Variants in B3GAT2 observed in about 807,000 individuals in gnomAD.
The protein encoded by B3GAT2 is beta-1,3-glucuronyltransferase 2, also known as galactosylgalactosylxylosylprotein 3-beta-glucuronosyltransferase 2.
A neutral mutation model predicts 27.8 loss-of-function variants in B3GAT2; 26 were observed. That is an observed-to-expected ratio of 0.93 (90% confidence interval 0.68 to 1.30). B3GAT2 has a LOEUF of 1.30. B3GAT2 is among the 50% of genes most tolerant of loss of function. The pLI is 0.00. For missense variants in B3GAT2, 458 were observed against 459.0 expected (o/e 1.00, Z 0.02); for synonymous variants, 218 against 195.1 (o/e 1.12, Z -0.98).
At position 70,956,758 on chromosome 6, in the gene B3GAT2, TC is replaced by T; in HGVS notation, c.-330del. The T allele has an allele frequency of 8.2e-7, 1 of 1,224,994 alleles. No homozygotes were observed. Among genetic ancestry groups the T allele is most frequent in the Non-Finnish European group, 1.0e-6 (1 of 978,112 alleles). The allele number at this position is 1,224,994 out of a possible 1,614,324, so 75.9% of individuals were successfully genotyped here. A position where few individuals can be genotyped will look rare whatever the true frequency, so the allele number is the denominator to read the frequency against. On this transcript the variant is annotated 5_prime_UTR_variant, in exon 1 of 4. Transcript: ENST00000230053. ...GTGCCGAGTGCGGGAAAGGCGCTGA[TC>T]CCCACCGCGCTCTTTCTGAAGAGTG...
chr6:70,864,688 T>G (rs1771821915), intron 2 of B3GAT2, among the ~76,000 whole-genome samples: 1 of 152,172 alleles, frequency 6.6e-6, no homozygotes, highest in South Asian at 2.1e-4. Flanking sequence ...GGGTTACTTT[T>G]GGGGAATCTG....
chr6:70,926,696 T>G (rs947996722), intron 1 of B3GAT2, among the ~76,000 whole-genome samples: 1 of 152,126 alleles, frequency 6.6e-6, no homozygotes. Context: ...AAATCTACGT[T>G]TCATTGGTGT....
chr6:70,909,152 T>TCTCA (rs1562225977), intron 1 of B3GAT2, among the ~76,000 whole-genome samples: 2 of 151,536 alleles, frequency 1.3e-5, no homozygotes, highest in African/African-American at 4.8e-5. Context: ...TCTCTCTCTC[T>TCTCA]CACACACACA....
intron 1 of B3GAT2, among the ~76,000 whole-genome samples, chr6:70,945,880 G>C (rs1765474356): frequency 6.6e-6 from 1 of 151,814 alleles, no homozygotes; most frequent in Non-Finnish European, 1.5e-5. Flanking sequence ...TCTCTCGGCA[G>C]AAACTCTACA....
At chr6:70,929,263 G>T (rs1009922839) in intron 1 of B3GAT2, among the ~76,000 whole-genome samples, 1 of 150,894 alleles carries the variant, frequency 6.6e-6, no homozygotes, top group Non-Finnish European at 1.5e-5. Context: ...CGAGTTAATG[G>T]GTGCAGCACA....
At chr6:70,954,898 G>T (rs1477185070) in intron 1 of B3GAT2, among the ~76,000 whole-genome samples, 17 of 146,656 alleles carry the variant, frequency 1.2e-4, no homozygotes, top group African/African-American at 4.2e-4. Context: ...TTCTAACCCT[G>T]TGCCTGCCGG....
intron 2 of B3GAT2, among the ~76,000 whole-genome samples, chr6:70,880,903 AAACG>A (rs942111563): frequency 2.6e-5 from 4 of 152,126 alleles, no homozygotes; most frequent in African/African-American, 4.8e-5. Flanking sequence ...TCCTGGCCTC[AAACG>A]ATTCTCCTGC....
chr6:70,909,311 T>C (rs1772650347), intron 1 of B3GAT2, among the ~76,000 whole-genome samples: 1 of 152,130 alleles, frequency 6.6e-6, no homozygotes, highest in South Asian at 2.1e-4. Flanking sequence ...TATATACTAT[T>C]GACAAGACAC....
intron 1 of B3GAT2, among the ~76,000 whole-genome samples, chr6:70,925,067 G>A (rs1772930822): frequency 6.6e-6 from 1 of 152,178 alleles, no homozygotes; most frequent in Admixed American, 6.5e-5. Context: ...CTCAGCATAA[G>A]GATCATTTCC....
In B3GAT2 at chr6:70,956,257, CCGCCCCTGCGGAGCGGGAGTCGGG is replaced by C; in HGVS notation, c.149_172del (p.Ala50_Gly57del). ...GCGCTTTTGGGTCCCGTGAGCCGGGCCGCCCCTGCGGAGCGGGAGTCGGGCGCCCCCGCGGCCCACCGCGTAGGG... is the reference window on the plus strand; with the variant it reads ...GCGCTTTTGGGTCCCGTGAGCCGGGCCGCCCCCGCGGCCCACCGCGTAGGG... On this transcript the variant is annotated inframe_deletion, in exon 1 of 4. Coordinates refer to ENST00000230053, the MANE Select transcript of B3GAT2 (RefSeq NM_080742.3). 6 of 1,611,002 alleles carry C rather than the reference CCGCCCCTGCGGAGCGGGAGTCGGG, an allele frequency of 3.7e-6. No homozygotes were observed. The highest frequency in any genetic ancestry group is 5.1e-6 in the Non-Finnish European group (6 of 1,178,444).
rs772567994 is a variant in B3GAT2, at chr6:70,860,350, T to C, written c.*1313A>G. The C allele has an allele frequency of 7.5e-6, 12 of 1,599,158 alleles. No homozygotes were observed. The Admixed American group carries it at 1.9e-4, about 26-fold the overall frequency. ...GTGGAAATGAAAACTGCAATACAAG[T>C]TTCATCCAGAACTACCACCTGACAT... On this transcript the variant is annotated 3_prime_UTR_variant, in exon 4 of 4. Transcript: ENST00000230053.
At chr6:70,926,877 GA>G (rs1772970411) in intron 1 of B3GAT2, among the ~76,000 whole-genome samples, 1 of 152,174 alleles carries the variant, frequency 6.6e-6, no homozygotes, top group South Asian at 2.1e-4. Context: ...ATAATTGTCA[GA>G]TTCACCAAGG....
intron 1 of B3GAT2, among the ~76,000 whole-genome samples, chr6:70,905,649 A>G (rs1772589414): frequency 6.6e-6 from 1 of 152,170 alleles, no homozygotes; most frequent in Admixed American, 6.6e-5. Context: ...AGTGTGTCCA[A>G]CAGGTAACAG....
chr6:70,861,807 G>T (rs1771745534), intron 3 of B3GAT2, 23 bp downstream of exon 3: 2 of 1,613,734 alleles, frequency 1.2e-6, no homozygotes. Context: ...CTCGAGGTCG[G>T]GCAGCACAAG....
At chr6:70,884,696 C>G (rs1306111301) in intron 2 of B3GAT2, among the ~76,000 whole-genome samples, 1 of 152,204 alleles carries the variant, frequency 6.6e-6, no homozygotes, top group African/African-American at 2.4e-5. Flanking sequence ...GGAAGAGTAA[C>G]TGGAAATTAG....
chr6:70,869,891 A>G (rs948026256), intron 2 of B3GAT2, among the ~76,000 whole-genome samples: 4 of 152,186 alleles, frequency 2.6e-5, no homozygotes, highest in Non-Finnish European at 5.9e-5. Flanking sequence ...TCAGGAAACA[A>G]CAGGTGCTGG....
At chr6:70,874,490 G>A (rs539629743) in intron 2 of B3GAT2, among the ~76,000 whole-genome samples, 1 of 152,264 alleles carries the variant, frequency 6.6e-6, no homozygotes, top group South Asian at 2.1e-4. Flanking sequence ...TACTAAGAGG[G>A]GGAAGACTGA....
At chr6:70,902,381 T>A (rs1045544808) in intron 1 of B3GAT2, among the ~76,000 whole-genome samples, 1 of 151,842 alleles carries the variant, frequency 6.6e-6, no homozygotes, top group Non-Finnish European at 1.5e-5. Context: ...TGTACATGGT[T>A]GGTAGAAATG....
In B3GAT2 at chr6:70,860,648, A is replaced by T. The variant is rs913683672; in HGVS notation, c.*1015T>A. ...AAAATTATAGCTCTAATGTTTGCAT[A>T]TAAGGGAAGTAGTTATCATGTTAGT... On this transcript the variant is annotated 3_prime_UTR_variant, in exon 4 of 4. Coordinates refer to ENST00000230053, the MANE Select transcript of B3GAT2 (RefSeq NM_080742.3). The T allele has an allele frequency of 1.2e-5, 5 of 422,694 alleles. No individual in the cohort carries two copies. Among genetic ancestry groups the T allele is most frequent in the African/African-American group, 1.0e-4 (5 of 49,218 alleles). The allele number at this position is 422,694 out of a possible 1,614,324, so 26.2% of individuals were successfully genotyped here.
Sources: gnomAD v4.1 joint callset for allele counts (sites outside exome capture counted in the v4.1 genomes callset) on GRCh38, gnomAD v4.1.1 for gene constraint, MANE v1.5 for transcripts, NCBI Gene and HGNC (gene_info 2026-07-23, HGNC 2026-07-21) for gene names.